Variants in XXYLT1 observed in about 807,000 individuals in gnomAD.
XXYLT1 encodes the protein UDP-xylose:alpha-xyloside alpha-1,3-xylosyltransferase.
A neutral mutation model predicts 28.9 loss-of-function variants in XXYLT1; 20 were observed. The observed-to-expected ratio is 0.69, with a 90% CI of 0.49 to 1.00. The LOEUF (loss-of-function observed/expected upper bound fraction) is 1.00, where lower values mean the gene tolerates loss of function less well. Among genes scored for constraint, XXYLT1 ranks in the 50% least tolerant of loss-of-function variants. The pLI is 0.00. For synonymous variants in XXYLT1, 257 were observed against 253.8 expected (o/e 1.01, Z -0.12); for missense variants, 542 against 560.1 (o/e 0.97, Z 0.33).
chr3:195,232,624 A>G (rs1724349874), intron 1 of XXYLT1, among the ~76,000 whole-genome samples: 1 of 152,016 alleles, frequency 6.6e-6, no homozygotes, highest in Admixed American at 6.6e-5. Flanking sequence ...TTCTTTCTTA[A>G]CCTCTTCATT....
chr3:195,136,694 C>T (rs1264098657), intron 3 of XXYLT1, among the ~76,000 whole-genome samples: 1 of 152,170 alleles, frequency 6.6e-6, no homozygotes, highest in Non-Finnish European at 1.5e-5. Flanking sequence ...AGGACGACAG[C>T]ACTGCTATAA....
chr3:195,098,630 A>G (rs77124842), intron 3 of XXYLT1, among the ~76,000 whole-genome samples: 20,229 of 152,298 alleles, frequency 0.13, 1,737 homozygotes, highest in East Asian at 0.43. Flanking sequence ...TCACAGTGGC[A>G]GAGGAGGTGA....
chr3:195,255,375 G>A lies in XXYLT1; in HGVS notation c.504+15180C>T, dbSNP rs1253660396. Among the ~76,000 whole-genome samples the A allele has an allele frequency of 5.3e-5, 8 of 152,254 alleles. No homozygotes were observed. The highest frequency in any genetic ancestry group is 2.1e-4 in the South Asian group (1 of 4,830). On this transcript the variant is annotated intron_variant, in intron 1 of 3. Coordinates refer to ENST00000310380, the MANE Select transcript of XXYLT1 (RefSeq NM_152531.5). The surrounding 1 kb of genome is among the most constrained non-coding windows in gnomAD (Gnocchi z 4.5). ...GCTCAGCCCCCAGCAGGACCCAGTC[G>A]GGCTGGGGACTCAGCTCCATCCAAG...
At chr3:195,088,268 C>T (rs1715893374) in intron 3 of XXYLT1, among the ~76,000 whole-genome samples, 1 of 150,606 alleles carries the variant, frequency 6.6e-6, no homozygotes, top group Non-Finnish European at 1.5e-5. Flanking sequence ...GTAACCTCTG[C>T]AGACTTAAAG....
In XXYLT1 at chr3:195,070,054, G is replaced by A. The variant is rs1251801427; in HGVS notation, c.843C>T (p.Pro281=). ...TGTTGAAGCCCGGCAGCCCCTCGGG[G>A]GGCGGGCCCCCAACCCGGGTCTGGG... ...ENPQTRVGGP[P]PEGLPGFNSG... The change falls in exon 4 of 4, where the codon CCC becomes CCT. Residue 281 remains proline (P), a synonymous_variant. Transcript: ENST00000310380. The A allele has an allele frequency of 3.1e-6, 5 of 1,597,228 alleles. No homozygotes were observed. Among genetic ancestry groups the A allele is most frequent in the Non-Finnish European group, 4.2e-6 (5 of 1,178,336 alleles).
intron 1 of XXYLT1, among the ~76,000 whole-genome samples, chr3:195,249,854 C>T (rs1725183634): frequency 2.0e-5 from 3 of 152,186 alleles, no homozygotes; most frequent in Non-Finnish European, 2.9e-5. Flanking sequence ...ACCTCAACAT[C>T]CCAACCTAGT....
At chr3:195,106,905 G>A (rs901057163) in intron 3 of XXYLT1, among the ~76,000 whole-genome samples, 1 of 147,994 alleles carries the variant, frequency 6.8e-6, no homozygotes, top group South Asian at 2.1e-4. Context: ...GTGACGGGGG[G>A]AGGAGAGTAG....
At chr3:195,165,209 C>G (rs987224713) in intron 2 of XXYLT1, among the ~76,000 whole-genome samples, 27 of 152,182 alleles carry the variant, frequency 1.8e-4, no homozygotes, top group Admixed American at 4.6e-4. Context: ...TCCTCTCCCC[C>G]AGCAGACTCA....
At chr3:195,102,267 T>A (rs7650833) in intron 3 of XXYLT1, among the ~76,000 whole-genome samples, 9,571 of 152,280 alleles carry the variant, frequency 0.063, 661 homozygotes, top group Admixed American at 0.19. Context: ...TTCACATTGT[T>A]ACTCATCTTT....
intron 2 of XXYLT1, among the ~76,000 whole-genome samples, chr3:195,167,805 G>A (rs578098865): frequency 7.2e-5 from 11 of 152,210 alleles, no homozygotes; most frequent in South Asian, 4.1e-4. Context: ...AGAAGGCTCC[G>A]TGGTGCCTGA....
intron 1 of XXYLT1, among the ~76,000 whole-genome samples, chr3:195,236,079 G>T (rs2108815864): frequency 6.6e-6 from 1 of 152,250 alleles, no homozygotes. Flanking sequence ...CCCGAGGCCT[G>T]CTATAACCAC....
At chr3:195,144,979 C>CT (rs75217275) in intron 3 of XXYLT1, among the ~76,000 whole-genome samples, 5,180 of 152,252 alleles carry the variant, frequency 0.034, 166 homozygotes, top group East Asian at 0.15. Flanking sequence ...ATGTCTCTAC[C>CT]TTGCTTAGAC....
chr3:195,111,830 G>A (rs1717734605), intron 3 of XXYLT1, among the ~76,000 whole-genome samples: 1 of 152,154 alleles, frequency 6.6e-6, no homozygotes, highest in African/African-American at 2.4e-5. Flanking sequence ...TCAAAAATAG[G>A]AACTCAACTT....
chr3:195,109,248 C>T (rs1717319133), intron 3 of XXYLT1, among the ~76,000 whole-genome samples: 1 of 152,140 alleles, frequency 6.6e-6, no homozygotes, highest in Non-Finnish European at 1.5e-5. Flanking sequence ...AGGCCGACAG[C>T]CCAGCAGCGC....
At chr3:195,258,243 G>A (rs1212531251) in intron 1 of XXYLT1, among the ~76,000 whole-genome samples, 2 of 152,178 alleles carry the variant, frequency 1.3e-5, no homozygotes, top group African/African-American at 2.4e-5. Flanking sequence ...CCCACTCAGG[G>A]GGATAGTGTG....
At chr3:195,156,950 A>G (rs535170152) in intron 2 of XXYLT1, among the ~76,000 whole-genome samples, 1 of 152,312 alleles carries the variant, frequency 6.6e-6, no homozygotes, top group East Asian at 1.9e-4. Context: ...TTCCCTACAT[A>G]AAACTCAAAG....
intron 2 of XXYLT1, among the ~76,000 whole-genome samples, chr3:195,182,550 T>G (rs1015831012): frequency 6.6e-6 from 1 of 152,186 alleles, no homozygotes; most frequent in African/African-American, 2.4e-5. Context: ...GTGTTACTCA[T>G]GCTGCCAAAA....
At chr3:195,248,171 T>G (rs1405392684) in intron 1 of XXYLT1, among the ~76,000 whole-genome samples, 1 of 152,142 alleles carries the variant, frequency 6.6e-6, no homozygotes, top group East Asian at 1.9e-4. Flanking sequence ...ACCAACCACT[T>G]AGATACTTAC....
At chr3:195,073,658 C>T (rs957352053) in intron 3 of XXYLT1, among the ~76,000 whole-genome samples, 7 of 152,288 alleles carry the variant, frequency 4.6e-5, no homozygotes, top group Middle Eastern at 3.4e-3. Context: ...AGCCCCCACG[C>T]AGACAGTCCC....
Sources: gnomAD v4.1 joint callset for allele counts (sites outside exome capture counted in the v4.1 genomes callset) on GRCh38, gnomAD v4.1.1 for gene constraint, Gnocchi (gnomAD v3.1) non-coding constraint, MANE v1.5 for transcripts, NCBI Gene and HGNC (gene_info 2026-07-23, HGNC 2026-07-21) for gene names.